The following C1orf146 variants were observed in gnomAD, a reference collection of about 807,000 sequenced individuals.
The protein encoded by C1orf146 is chromosome 1 open reading frame 146.
C1orf146 carries 22 observed loss-of-function variants against 23.0 expected under a neutral mutation model. That is an observed-to-expected ratio of 0.96 (90% CI 0.68 to 1.36). The LOEUF is 1.36. Among genes scored for constraint, C1orf146 ranks in the 40% most tolerant of loss-of-function variants. C1orf146 has a pLI of 0.00. For missense variants in C1orf146, 199 were observed against 206.8 expected, an observed-to-expected ratio of 0.96 and a Z score of 0.23; for synonymous variants, 59 against 65.3, an observed-to-expected ratio of 0.90 and a Z score of 0.47.
At chr1:92,232,080 T>G (rs150264840) in intron 2 of C1orf146, among the ~76,000 whole-genome samples, 146 of 152,316 alleles carry the variant, frequency 9.6e-4, no homozygotes, top group African/African-American at 3.0e-3. Flanking sequence ...TGTTTTATAC[T>G]TTGTTGTGAG....
At chr1:92,222,630 A>G (rs1378759136) in intron 1 of C1orf146, among the ~76,000 whole-genome samples, 1 of 132,672 alleles carries the variant, frequency 7.5e-6, no homozygotes, top group Admixed American at 9.2e-5. Flanking sequence ...TCTGTTGCCC[A>G]GGCTGGAGTG....
At chr1:92,244,154 G>A in intron 3 of C1orf146, 63 bp from the exon 4 acceptor site, 1 of 1,204,456 alleles carries the variant, frequency 8.3e-7, no homozygotes, top group Non-Finnish European at 1.2e-6. Flanking sequence ...TTGATTTTGA[G>A]TTTATAACAA....
rs1010490871 is a variant in C1orf146, at chr1:92,218,365, G to A, written c.-40+317G>A. Among the ~76,000 whole-genome samples, 25 of 152,030 alleles carry A rather than the reference G, an allele frequency of 1.6e-4. 1 individual carries two copies. Among genetic ancestry groups the A allele is most frequent in the African/African-American group, 6.0e-4 (25 of 41,380 alleles). On this transcript the variant is annotated intron_variant, in intron 1 of 5. Coordinates refer to ENST00000370375, the MANE Select transcript of C1orf146 (RefSeq NM_001012425.2). Reference sequence around the variant, plus strand: ...ACCGTGAAGATCCTTGTAGGCCGGCGCCTCACTGGACCCGTGAGGAGACTG... The same window carrying A: ...ACCGTGAAGATCCTTGTAGGCCGGCACCTCACTGGACCCGTGAGGAGACTG...
At chr1:92,224,927 G>A (rs1226668806) in intron 1 of C1orf146, among the ~76,000 whole-genome samples, 1 of 151,864 alleles carries the variant, frequency 6.6e-6, no homozygotes, top group Admixed American at 6.6e-5. Flanking sequence ...AGTTTTAGTG[G>A]AGACGGGGTT....
At chr1:92,238,929 TTTTG>T (rs1482683365) in intron 2 of C1orf146, among the ~76,000 whole-genome samples, 1 of 152,156 alleles carries the variant, frequency 6.6e-6, no homozygotes, top group Non-Finnish European at 1.5e-5. Context: ...TTGTTATATT[TTTTG>T]TTTATTTTTT....
chr1:92,235,434 T>G (rs1277380684), intron 2 of C1orf146, among the ~76,000 whole-genome samples: 6 of 152,192 alleles, frequency 3.9e-5, no homozygotes, highest in Admixed American at 2.6e-4. Context: ...GTGAGTTTCT[T>G]AATCCTGAGT....
At chr1:92,243,390 A>T (rs1219713893) in intron 3 of C1orf146, among the ~76,000 whole-genome samples, 1 of 152,106 alleles carries the variant, frequency 6.6e-6, no homozygotes, top group Non-Finnish European at 1.5e-5. Context: ...TTTGTTGCCC[A>T]GGCTGGAGTG....
chr1:92,225,110 C>CTT (rs36035933), intron 1 of C1orf146, among the ~76,000 whole-genome samples: 20 of 120,556 alleles, frequency 1.7e-4, no homozygotes, highest in East Asian at 9.2e-4. Flanking sequence ...GGTTTAGCCT[C>CTT]TTTTTTTTTT....
At chr1:92,236,167 A>G (rs1350660756) in intron 2 of C1orf146, among the ~76,000 whole-genome samples, 1 of 150,442 alleles carries the variant, frequency 6.6e-6, no homozygotes, top group Non-Finnish European at 1.5e-5. Context: ...TTAGCTGGTT[A>G]TTTTGCTCGT....
chr1:92,234,896 C>T (rs1570793807), intron 2 of C1orf146, among the ~76,000 whole-genome samples: 1 of 152,314 alleles, frequency 6.6e-6, no homozygotes, highest in East Asian at 1.9e-4. Flanking sequence ...AGTTTATTTG[C>T]ATAGAGGTGT....
chr1:92,228,761 T>A (rs1652031096), intron 1 of C1orf146, among the ~76,000 whole-genome samples: 1 of 152,080 alleles, frequency 6.6e-6, no homozygotes, highest in South Asian at 2.1e-4. Flanking sequence ...GTACTAAGGG[T>A]TGAAATCAAA....
chr1:92,220,243 T>C (rs1231877113), intron 1 of C1orf146, among the ~76,000 whole-genome samples: 1 of 152,180 alleles, frequency 6.6e-6, no homozygotes, highest in Non-Finnish European at 1.5e-5. Flanking sequence ...CTAGGTGTAC[T>C]TGTTGCTAGC....
chr1:92,244,079 T>C (rs1177835876), intron 3 of C1orf146, 138 bp from the exon 4 acceptor site: 1 of 589,076 alleles, frequency 1.7e-6, no homozygotes, highest in African/African-American at 1.9e-5. Flanking sequence ...GGAATTCCAT[T>C]ATAGTACTTT....
chr1:92,218,664 G>C (rs1651740658), intron 1 of C1orf146, among the ~76,000 whole-genome samples: 1 of 152,018 alleles, frequency 6.6e-6, no homozygotes, highest in Admixed American at 6.6e-5. Flanking sequence ...TCGTCCCCCA[G>C]GTGCCCATTA....
intron 1 of C1orf146, among the ~76,000 whole-genome samples, chr1:92,225,916 A>G (rs1373469625): frequency 6.6e-6 from 1 of 152,192 alleles, no homozygotes; most frequent in Admixed American, 6.5e-5. Flanking sequence ...TTGAATCTAA[A>G]GACAACATAT....
chr1:92,222,314 GTA>G (rs1214156670), intron 1 of C1orf146, among the ~76,000 whole-genome samples: 1 of 151,938 alleles, frequency 6.6e-6, no homozygotes, highest in African/African-American at 2.4e-5. Flanking sequence ...ACATATGCAT[GTA>G]TATATAACAT....
At position 92,219,002 on chromosome 1, in the gene C1orf146, C is replaced by T. The variant is rs538940813; in HGVS notation, c.-40+954C>T. Among the ~76,000 whole-genome samples the T allele has an allele frequency of 2.0e-5, 3 of 152,290 alleles. No homozygotes were observed. In the East Asian group the frequency reaches 5.8e-4, roughly 29 times the overall value. ...TTGTGCACGTGATTACTTTACTTCT[C>T]TTAGCTTTAGTTAAATTGTTTTTAA... On this transcript the variant is annotated intron_variant, in intron 1 of 5. Coordinates refer to ENST00000370375, the MANE Select transcript of C1orf146 (RefSeq NM_001012425.2).
rs1158885247 is a variant in C1orf146, at chr1:92,241,192, T to TATC, written c.67-1018_67-1017insCAT. ...CAGAATCCATCTCCAAGTTGCTTAT[T>TATC]ATTATTATTATTATTATTATTATTA... On this transcript the variant is annotated intron_variant, in intron 2 of 5. Coordinates refer to ENST00000370375, the MANE Select transcript of C1orf146 (RefSeq NM_001012425.2). Among the ~76,000 whole-genome samples, 7 of 62,272 alleles carry TATC rather than the reference T, an allele frequency of 1.1e-4. No homozygotes were observed. The South Asian group carries it at 2.7e-3, about 24-fold the overall frequency. The allele number at this position is 62,272 out of a possible 152,430, so 40.9% of individuals were successfully genotyped here. A position where few individuals can be genotyped will look rare whatever the true frequency, so the allele number is the denominator to read the frequency against.
chr1:92,242,836 G>T (rs749271733), intron 3 of C1orf146, among the ~76,000 whole-genome samples: 2 of 152,124 alleles, frequency 1.3e-5, no homozygotes, highest in South Asian at 2.1e-4. Context: ...AGATGGGAAG[G>T]GGGGAGGTCC....
Sources: gnomAD v4.1 joint callset for allele counts (sites outside exome capture counted in the v4.1 genomes callset) on GRCh38, gnomAD v4.1.1 for gene constraint, MANE v1.5 for transcripts, NCBI Gene and HGNC (gene_info 2026-07-23, HGNC 2026-07-21) for gene names.